ENG: variants seen among roughly 807,000 people sequenced by gnomAD.
The protein encoded by ENG is CD105 antigen.
A neutral mutation model predicts 71.0 loss-of-function variants in ENG; 17 were observed. That is an observed-to-expected ratio of 0.24 (90% CI 0.16 to 0.36). ENG has a LOEUF of 0.36. Among genes scored for constraint, ENG ranks in the 10% least tolerant of loss-of-function variants. ENG has a pLI of 1.00. For missense variants in ENG, 749 were observed against 868.3 expected, an observed-to-expected ratio of 0.86 and a Z score of 1.73; for synonymous variants, 360 against 366.9, an observed-to-expected ratio of 0.98 and a Z score of 0.21.
intron 13 of ENG, chr9:127,816,929 G>A (rs1182553213): frequency 1.6e-5 from 10 of 613,322 alleles, no homozygotes; most frequent in Non-Finnish European, 2.3e-5. Context: ...CCCACAGGGC[G>A]GTCCCGGGCA....
intron 8 of ENG, among the ~76,000 whole-genome samples, chr9:127,823,486 T>G (rs913530003): frequency 6.6e-6 from 1 of 151,522 alleles, no homozygotes; most frequent in Non-Finnish European, 1.5e-5. Context: ...CCTCCCGGGT[T>G]CACACCATTC....
At chr9:127,830,072 T>C (rs1830728056) in intron 2 of ENG, among the ~76,000 whole-genome samples, 1 of 152,064 alleles carries the variant, frequency 6.6e-6, no homozygotes, top group Non-Finnish European at 1.5e-5. Flanking sequence ...CTGGGCACGG[T>C]GGCTCACGTC....
chr9:127,824,387 T>C lies in ENG; in HGVS notation c.1051A>G (p.Ser351Gly). ...ATCAAGGACATGAGCAGCTCCGGGC[T>C]ACAAGTGTCCTTGGGAGGAGTGGTC... ...IQTTPPKDTC[S>G]PELLMSLIQT... Residue 351 changes from serine (S) to glycine (G), a missense_variant, in exon 8 of 15, where the codon AGC (serine) becomes GGC (glycine). By Grantham distance (56) the Ser-to-Gly change is moderately conservative. Coordinates refer to ENST00000373203, the MANE Select transcript of ENG (RefSeq NM_001114753.3). 1.2e-6 allele frequency: 2 copies of C among 1,614,084 alleles called. No homozygotes were observed. The highest frequency in any genetic ancestry group is 1.7e-6 in the Non-Finnish European group (2 of 1,180,018).
intron 4 of ENG, 59 bp from the exon 5 acceptor site, chr9:127,825,919 C>A: frequency 6.5e-7 from 1 of 1,546,268 alleles, no homozygotes. Flanking sequence ...TAACAGAGCC[C>A]CGCCCTCACC....
At chr9:127,831,054 T>G (rs1830753188) in intron 2 of ENG, among the ~76,000 whole-genome samples, 1 of 152,120 alleles carries the variant, frequency 6.6e-6, no homozygotes, top group Admixed American at 6.6e-5. Context: ...ACAACAGCAA[T>G]ACCTACCTAC....
chr9:127,822,525 T>C (rs1423978680), intron 8 of ENG: 1 of 152,212 alleles, frequency 6.6e-6, no homozygotes, highest in Middle Eastern at 3.2e-3. Flanking sequence ...ACAATGACAT[T>C]TTTTGCATAT....
intron 8 of ENG, chr9:127,822,492 C>T (rs1429171374): frequency 5.3e-5 from 8 of 152,134 alleles, no homozygotes; most frequent in Non-Finnish European, 8.8e-5. Flanking sequence ...GAAAATAATC[C>T]TATATAAAGA....
intron 13 of ENG, chr9:127,816,828 A>G: frequency 2.2e-6 from 1 of 463,644 alleles, no homozygotes; most frequent in South Asian, 2.1e-5. Flanking sequence ...CCTCTGTCTC[A>G]CCCAGGAGAC....
intron 13 of ENG, 91 bp from the exon 14 acceptor site, chr9:127,816,144 C>T (rs1830308492): frequency 2.0e-6 from 3 of 1,493,302 alleles, no homozygotes; most frequent in Non-Finnish European, 2.7e-6. Flanking sequence ...TTGGTGCCAG[C>T]TCTGCTCAGC....
rs1564453538 is a variant in ENG at position 127,819,903 on chromosome 9, AT to A, written c.1268del (p.Asn423MetfsTer68). 1.2e-6 allele frequency: 2 copies of A among 1,614,206 alleles called. No homozygotes were observed. The highest frequency in any genetic ancestry group is 1.7e-6 in the Non-Finnish European group (2 of 1,180,036). On this transcript the variant is annotated frameshift_variant, in exon 9 of 15. Coordinates refer to ENST00000373203, the MANE Select transcript of ENG (RefSeq NM_001114753.3). LOFTEE classifies it high-confidence loss of function. ...GMQVSASMISNEAVVNILSSS... is the reference protein window; with the variant it reads ...GMQVSASMISXEAVVNILSSS... The stretch of plus-strand genomic sequence containing the variant: ...CCTTTTTGGCCCCAGCTCTTACCTC[AT>A]TGCTGATCATACTTGCTGACACCTG...
chr9:127,829,258 C>G (rs117826776), intron 3 of ENG, among the ~76,000 whole-genome samples: 1 of 152,210 alleles, frequency 6.6e-6, no homozygotes, highest in Admixed American at 6.5e-5. Flanking sequence ...CACTTCCCAG[C>G]CATAACCACT....
At chr9:127,831,390 TTC>T (rs1462302765) in intron 2 of ENG, among the ~76,000 whole-genome samples, 5 of 151,076 alleles carry the variant, frequency 3.3e-5, no homozygotes, top group African/African-American at 9.7e-5. Flanking sequence ...TTTTTTTTTT[TTC>T]TTTTTTTTTC....
chr9:127,816,175 G>A lies in ENG; in HGVS notation c.1742-122C>T, dbSNP rs1564451455. The A allele has an allele frequency of 2.0e-5, 25 of 1,237,368 alleles. No homozygotes were observed. In the East Asian group the frequency reaches 6.4e-4, roughly 31 times the overall value. 76.6% of individuals were successfully genotyped at this position (1,237,368 alleles called of 1,614,324 possible). On this transcript the variant is annotated intron_variant, in intron 13 of 14. Transcript: ENST00000373203. ...TCAGCCATGGACCCTCGACTTCTCT[G>A]AACCTCAGTCTCCTCTTGCAGCAAA...
chr9:127,835,465 G>A (rs1472966812), intron 2 of ENG, among the ~76,000 whole-genome samples: 1 of 152,114 alleles, frequency 6.6e-6, no homozygotes, highest in Admixed American at 6.6e-5. Context: ...AGAATTGCAA[G>A]GCCCACACGA....
Position 127,825,005 on chromosome 9 carries a change from G to T in ENG, c.817-31C>A, listed in dbSNP as rs1830572348. 3.7e-6 allele frequency: 6 copies of T among 1,606,856 alleles called. No individual in the cohort carries two copies. The East Asian group carries it at 1.3e-4, about 36-fold the overall frequency. On this transcript the variant is annotated intron_variant, in intron 6 of 14. Coordinates refer to ENST00000373203, the MANE Select transcript of ENG (RefSeq NM_001114753.3). The stretch of plus-strand genomic sequence containing the variant: ...GGTGGGGAGAGAGGCAGAACAGGGG[G>T]CCATGGACACAGTCTGTGCCACAGC...
chr9:127,822,669 A>C (rs76809166), intron 8 of ENG: 207 of 152,304 alleles, frequency 1.4e-3, no homozygotes, highest in African/African-American at 4.9e-3. Flanking sequence ...AGCTCTAAAA[A>C]TACATTAAGT....
chr9:127,831,817 G>A (rs552414099), intron 2 of ENG, among the ~76,000 whole-genome samples: 2 of 151,004 alleles, frequency 1.3e-5, no homozygotes, highest in African/African-American at 2.4e-5. Context: ...TCAGCCTCCT[G>A]AGTAGCTAGG....
intron 2 of ENG, among the ~76,000 whole-genome samples, chr9:127,831,249 C>T (rs990725982): frequency 6.6e-6 from 1 of 151,552 alleles, no homozygotes; most frequent in Non-Finnish European, 1.5e-5. Context: ...CAACCTCTGC[C>T]TCCCAGGTTC....
At chr9:127,819,780 G>A (rs1830428718) in intron 9 of ENG, 120 bp from the exon 10 acceptor site, 17 of 1,603,624 alleles carry the variant, frequency 1.1e-5, no homozygotes. Context: ...AGCTTGTCTT[G>A]TGTTCTGAGC....
Sources: gnomAD v4.1 joint callset for allele counts (sites outside exome capture counted in the v4.1 genomes callset) on GRCh38, gnomAD v4.1.1 for gene constraint, MANE v1.5 for transcripts, NCBI Gene and HGNC (gene_info 2026-07-23, HGNC 2026-07-21) for gene names.